EPHB3: variants seen among roughly 807,000 people sequenced by gnomAD.
EPHB3 encodes ephrin type-B receptor 3.
In EPHB3, 33 loss-of-function variants were observed where a neutral mutation model predicts 100.2. That is an observed-to-expected ratio of 0.33 (90% CI 0.25 to 0.44). EPHB3 has a LOEUF of 0.44. EPHB3 is among the 20% of genes least tolerant of loss of function. The pLI is 1.00. For synonymous variants in EPHB3, 526 were observed against 554.7 expected (o/e 0.95, Z 0.73); for missense variants, 1,045 against 1,378.3 (o/e 0.76, Z 3.83).
chr3:184,566,956 C>G (rs1411189653), intron 1 of EPHB3, among the ~76,000 whole-genome samples: 1 of 152,176 alleles, frequency 6.6e-6, no homozygotes, highest in Non-Finnish European at 1.5e-5. Context: ...AGGTGGTAGG[C>G]CCTCAGCTGG....
In EPHB3 at chr3:184,573,191, T is replaced by C. The variant is rs1467682373; in HGVS notation, c.856+15T>C. On this transcript the variant is annotated intron_variant, in intron 3 of 15. Coordinates refer to ENST00000330394, the MANE Select transcript of EPHB3 (RefSeq NM_004443.4). This position sits in a 1 kb window ranked among gnomAD's most constrained non-coding sequence, Gnocchi z 4.5. ...CCAGTGCCGCCGTGAGTGGGGACTGTCCTGGGGAAAGGGTTGTCGGGAGGG... is the reference window on the plus strand; with the variant it reads ...CCAGTGCCGCCGTGAGTGGGGACTGCCCTGGGGAAAGGGTTGTCGGGAGGG... The C allele has an allele frequency of 1.2e-6, 2 of 1,609,332 alleles. No homozygotes were observed. The highest frequency in any genetic ancestry group is 3.3e-5 in the Admixed American group (2 of 59,994).
chr3:184,574,889 G>A (rs941838667), intron 3 of EPHB3, among the ~76,000 whole-genome samples: 2 of 152,220 alleles, frequency 1.3e-5, no homozygotes, highest in Admixed American at 6.5e-5. Flanking sequence ...TATCACCTTC[G>A]TGAGGGCAGA....
chr3:184,577,530 G>T lies in EPHB3; in HGVS notation c.1479+63G>T. 1 of 1,603,656 alleles carries T rather than the reference G, an allele frequency of 6.2e-7. No homozygotes were observed. Among genetic ancestry groups the T allele is most frequent in the Non-Finnish European group, 8.5e-7 (1 of 1,174,316 alleles). ...AGCTGGGCTGAGAAAATTACCCCCG[G>T]ATCATGATGGGGCCCTTGGGAGCAA... is the stretch of plus-strand genomic sequence containing the variant. On this transcript the variant is annotated intron_variant, in intron 6 of 15. Transcript: ENST00000330394. The surrounding 1 kb of genome is among the most constrained non-coding windows in gnomAD (Gnocchi z 4.9).
Position 184,581,123 on chromosome 3 carries a change from G to T in EPHB3, c.2690G>T (p.Arg897Leu), listed in dbSNP as rs1357171765. ...QIVNTLDKLI[R>L]NAASLKVIAS... Reference sequence around the variant, plus strand: ...GTCAATACCCTGGACAAGCTCATCCGCAATGCTGCCAGCCTCAAGGTCATT... The same window carrying T: ...GTCAATACCCTGGACAAGCTCATCCTCAATGCTGCCAGCCTCAAGGTCATT... Residue 897 changes from arginine (R) to leucine (L), a missense_variant, in exon 14 of 16, where the codon CGC becomes CTC. Physicochemically the swap from Arg to Leu is moderately radical, Grantham distance 102. Coordinates refer to ENST00000330394, the MANE Select transcript of EPHB3 (RefSeq NM_004443.4). 1 of 1,614,188 alleles carries T rather than the reference G, an allele frequency of 6.2e-7. No individual in the cohort carries two copies. Among genetic ancestry groups the T allele is most frequent in the Admixed American group, 1.7e-5 (1 of 60,028 alleles).
intron 1 of EPHB3, among the ~76,000 whole-genome samples, chr3:184,568,703 C>T (rs969961564): frequency 2.6e-5 from 4 of 151,128 alleles, no homozygotes; most frequent in African/African-American, 9.7e-5. Context: ...AGGGAGCAGG[C>T]TCCTCCTCTC....
chr3:184,580,081 C>A, intron 11 of EPHB3, 147 bp downstream of exon 11: 1 of 1,277,540 alleles, frequency 7.8e-7, no homozygotes, highest in Non-Finnish European at 1.1e-6. Context: ...GCCTTCATAG[C>A]CATAAGTATG....
intron 3 of EPHB3, chr3:184,575,335 C>T (rs537675112): frequency 5.5e-5 from 38 of 695,060 alleles, no homozygotes; most frequent in Non-Finnish European, 6.2e-5. Context: ...CTGCTGCCTG[C>T]GCCTGGTGGG....
chr3:184,575,286 C>G (rs535195767), intron 3 of EPHB3: 2 of 961,532 alleles, frequency 2.1e-6, no homozygotes, highest in South Asian at 9.6e-5. Flanking sequence ...TCCTCTCACC[C>G]GTCCTCAGCC....
rs951350879 is a variant in EPHB3, at chr3:184,562,042, C to T, written c.-194C>T. ...ACCGACCTGTCCGCATCCCCAGGACCGCCGGGCTCGGTGCACCGCCTCGGT... is the reference window on the plus strand; with the variant it reads ...ACCGACCTGTCCGCATCCCCAGGACTGCCGGGCTCGGTGCACCGCCTCGGT... On this transcript the variant is annotated 5_prime_UTR_variant, in exon 1 of 16. Transcript: ENST00000330394. The surrounding 1 kb of genome is among the most constrained non-coding windows in gnomAD (Gnocchi z 4.8). 6.0e-6 allele frequency: 1 copy of T among 166,158 alleles called. No homozygotes were observed. Among genetic ancestry groups the T allele is most frequent in the East Asian group, 1.8e-4 (1 of 5,592 alleles). The allele number at this position is 166,158 out of a possible 1,614,324, so 10.3% of individuals were successfully genotyped here.
intron 11 of EPHB3, among the ~76,000 whole-genome samples, 200 bp downstream of exon 11, chr3:184,580,134 A>G (rs1013710652): frequency 2.6e-5 from 4 of 152,218 alleles, no homozygotes; most frequent in African/African-American, 9.6e-5. Context: ...GTGTGACCTC[A>G]GGCAAGTGAC....
chr3:184,581,419 C>A lies in EPHB3; in HGVS notation c.2888+11C>A, dbSNP rs1236544435. On this transcript the variant is annotated intron_variant, in intron 15 of 15. Transcript: ENST00000330394. ...CCAGATGACGGCAGAGTAAGTGTGC[C>A]TCAGATTTGGAGGAGCAGGGCAGGG... 6.3e-7 allele frequency: 1 copy of A among 1,582,914 alleles called. No individual in the cohort carries two copies. Among genetic ancestry groups the A allele is most frequent in the African/African-American group, 1.3e-5 (1 of 74,296 alleles).
rs757650148 is a variant in EPHB3, at chr3:184,577,939, G to A, written c.1681G>A (p.Val561Met). 57 of 1,613,974 alleles carry A rather than the reference G, an allele frequency of 3.5e-5. No individual in the cohort carries two copies. The highest frequency in any genetic ancestry group is 4.6e-5 in the Non-Finnish European group (54 of 1,179,962). ...QQLQEQLPLI[V>M]GSATAGLVFV... is the part of the protein sequence containing the mutation. ...GCTCCAGGAGCAGCTTCCCCTCATC[G>A]TGGGCTCCGCTACAGCTGGGCTTGT... The change falls in exon 8 of 16, where the codon GTG becomes ATG. Residue 561 changes from valine (V) to methionine (M), a missense_variant. Val to Met is a conservative substitution (Grantham distance 21). Around this residue, in one of 2 missense-constraint regions of EPHB3, gnomAD observed 985 missense variants for 1,331.1 expected, o/e 0.74. Coordinates refer to ENST00000330394, the MANE Select transcript of EPHB3 (RefSeq NM_004443.4). This position sits in a 1 kb window ranked among gnomAD's most constrained non-coding sequence, Gnocchi z 4.9.
At position 184,563,532 on chromosome 3, in the gene EPHB3, C is replaced by T. The variant is rs1027296215; in HGVS notation, c.118+1179C>T. ...AACACAGTTCAGAGAGAAAGGCATC[C>T]TCTGGTGCGTTCTAATGTTCTCCAG... On this transcript the variant is annotated intron_variant, in intron 1 of 15. Coordinates refer to ENST00000330394, the MANE Select transcript of EPHB3 (RefSeq NM_004443.4). This position sits in a 1 kb window ranked among gnomAD's most constrained non-coding sequence, Gnocchi z 4.1. 6.6e-6 allele frequency among the ~76,000 whole-genome samples: 1 copy of T among 152,186 alleles called. No individual in the cohort carries two copies.
intron 1 of EPHB3, among the ~76,000 whole-genome samples, chr3:184,566,837 GT>G (rs1471572527): frequency 6.6e-6 from 1 of 152,202 alleles, no homozygotes; most frequent in Admixed American, 6.5e-5. Flanking sequence ...GTTGTTTTGT[GT>G]TTCTGTTTTT....
intron 1 of EPHB3, among the ~76,000 whole-genome samples, chr3:184,570,714 C>T (rs960898126): frequency 1.3e-5 from 2 of 152,218 alleles, no homozygotes; most frequent in African/African-American, 4.8e-5. Flanking sequence ...CCTGCCGGCC[C>T]CTTTGTGTGG....
At chr3:184,580,917 G>A in intron 13 of EPHB3, 39 bp downstream of exon 13, 1 of 1,607,446 alleles carries the variant, frequency 6.2e-7, no homozygotes, top group Non-Finnish European at 8.5e-7. Context: ...GTAGGTGGGT[G>A]CTGGCTGGGG....
chr3:184,581,020 T>A lies in EPHB3; in HGVS notation c.2587T>A (p.Cys863Ser). The A allele has an allele frequency of 2.5e-6, 4 of 1,614,160 alleles. No homozygotes were observed. The highest frequency in any genetic ancestry group is 3.4e-6 in the Non-Finnish European group (4 of 1,180,016). ...TTACCGGCTGCCACCACCCATGGACTGTCCCACAGCACTGCACCAGCTCAT... is the reference window on the plus strand; with the variant it reads ...TTACCGGCTGCCACCACCCATGGACAGTCCCACAGCACTGCACCAGCTCAT... ...QDYRLPPPMDCPTALHQLMLD... is the reference protein window; with the variant it reads ...QDYRLPPPMDSPTALHQLMLD... The change falls in exon 14 of 16, where the codon TGT becomes AGT. Residue 863 changes from cysteine to serine, a missense_variant. Transcript: ENST00000330394.
chr3:184,581,474 A>G (rs1300541325), intron 15 of EPHB3, 40 bp from the exon 16 acceptor site: 1 of 1,598,874 alleles, frequency 6.3e-7, no homozygotes, highest in African/African-American at 1.3e-5. Flanking sequence ...AGTTGAGGGC[A>G]CGAGGAAAGG....
Position 184,573,800 on chromosome 3 carries a change from C to T in EPHB3, c.856+624C>T, listed in dbSNP as rs1277530867. On this transcript the variant is annotated intron_variant, in intron 3 of 15. Transcript: ENST00000330394. The surrounding 1 kb of genome is among the most constrained non-coding windows in gnomAD (Gnocchi z 4.5). ...TGGCGCGATCTTGGCTTGCTGCAAC[C>T]TCCACCTCCCAGGTTCAAACAATTC... 6.6e-6 allele frequency among the ~76,000 whole-genome samples: 1 copy of T among 151,582 alleles called. No individual in the cohort carries two copies. Among genetic ancestry groups the T allele is most frequent in the African/African-American group, 2.4e-5 (1 of 41,186 alleles).
Sources: allele counts gnomAD v4.1 joint callset (sites outside exome capture counted in the v4.1 genomes callset), GRCh38; gene constraint gnomAD v4.1.1; regional missense constraint gnomAD v4.1.1; non-coding constraint Gnocchi (gnomAD v3.1); transcripts MANE v1.5; gene names NCBI Gene and HGNC (gene_info 2026-07-23, HGNC 2026-07-21).